Variants in PCNX2 observed in about 807,000 individuals in gnomAD.
The protein encoded by PCNX2 is pecanex 2, also known as pecanex-like protein 2.
Under a neutral mutation model 223.8 loss-of-function variants are expected in PCNX2, and 168 were observed. That is an observed-to-expected ratio of 0.75 (90% CI 0.66 to 0.85). The LOEUF is 0.85. Ranked by LOEUF, PCNX2 falls within the 40% of genes least tolerant of loss-of-function variation. The pLI, the probability that PCNX2 is intolerant of heterozygous loss-of-function variation, is 0.00. For missense variants in PCNX2, 2,507 were observed against 2,675.5 expected (o/e 0.94, Z 1.39); for synonymous variants, 1,006 against 1,052.6 (o/e 0.96, Z 0.86).
chr1:233,091,866 T>C (rs1673891999), intron 22 of PCNX2, among the ~76,000 whole-genome samples: 1 of 151,836 alleles, frequency 6.6e-6, no homozygotes, highest in South Asian at 2.1e-4. Context: ...CAATGTTGAA[T>C]TGTTTAGGTA....
At chr1:233,150,958 C>T (rs1677766284) in intron 19 of PCNX2, among the ~76,000 whole-genome samples, 1 of 152,122 alleles carries the variant, frequency 6.6e-6, no homozygotes, top group African/African-American at 2.4e-5. Flanking sequence ...GTTAGATCAA[C>T]ATTTTTACAT....
chr1:233,146,121 A>G (rs1294035654), intron 19 of PCNX2, among the ~76,000 whole-genome samples: 1 of 152,250 alleles, frequency 6.6e-6, no homozygotes, highest in African/African-American at 2.4e-5. Context: ...GCTTCAACGC[A>G]AAGAATGTTA....
chr1:233,144,953 G>T (rs138100457), intron 19 of PCNX2, among the ~76,000 whole-genome samples: 3,937 of 136,968 alleles, frequency 0.029, 176 homozygotes, highest in African/African-American at 0.097. Flanking sequence ...TTGTTGTTTT[G>T]TTTTTTTTTT....
Position 233,295,553 on chromosome 1 carries a change from G to C in PCNX2, c.-75C>G. The stretch of plus-strand genomic sequence containing the variant: ...CCGGCCGGATCTCCAGGCTCCCTCA[G>C]GTCTAACACCCGGGCCCGCGGGCCG... On this transcript the variant is annotated 5_prime_UTR_variant, in exon 1 of 34. Coordinates refer to ENST00000258229, the MANE Select transcript of PCNX2 (RefSeq NM_014801.4). The surrounding 1 kb of genome is among the most constrained non-coding windows in gnomAD (Gnocchi z 4.1). 1 of 1,313,106 alleles carries C rather than the reference G, an allele frequency of 7.6e-7. No homozygotes were observed. 81.3% of individuals were successfully genotyped at this position (1,313,106 alleles called of 1,614,324 possible).
chr1:233,238,343 T>C (rs910945956), intron 8 of PCNX2, among the ~76,000 whole-genome samples: 2 of 152,160 alleles, frequency 1.3e-5, no homozygotes, highest in African/African-American at 4.8e-5. Flanking sequence ...CCTAACTCCT[T>C]CCTATCATAT....
At chr1:233,168,170 G>A (rs1456652272) in intron 17 of PCNX2, among the ~76,000 whole-genome samples, 1 of 152,056 alleles carries the variant, frequency 6.6e-6, no homozygotes, top group Non-Finnish European at 1.5e-5. Flanking sequence ...TTAGGTCTTT[G>A]TAATTTTTAT....
chr1:233,158,840 C>A (rs1678287877), intron 19 of PCNX2, among the ~76,000 whole-genome samples: 1 of 152,128 alleles, frequency 6.6e-6, no homozygotes, highest in Non-Finnish European at 1.5e-5. Context: ...GGAAATATAA[C>A]CTGAAGGCTG....
At chr1:233,254,566 TAC>T (rs1454056987) in intron 5 of PCNX2, among the ~76,000 whole-genome samples, 1 of 152,174 alleles carries the variant, frequency 6.6e-6, no homozygotes, top group Admixed American at 6.5e-5. Flanking sequence ...ATAAAAATAG[TAC>T]ACAGTCATTG....
In PCNX2 at chr1:233,005,658, G is replaced by C. The variant is rs552224726; in HGVS notation, c.4953-3977C>G. Among the ~76,000 whole-genome samples, 3 of 152,298 alleles carry C rather than the reference G, an allele frequency of 2.0e-5. No individual in the cohort carries two copies. In the East Asian group the frequency reaches 5.8e-4, roughly 29 times the overall value. ...TAAAAGGAAGGTGTTTCATTACCTGGCTTTTTTCCCCCTGAGAGAATGAAG... is the reference window on the plus strand; with the variant it reads ...TAAAAGGAAGGTGTTTCATTACCTGCCTTTTTTCCCCCTGAGAGAATGAAG... On this transcript the variant is annotated intron_variant, in intron 28 of 33. Transcript: ENST00000258229.
chr1:233,044,180 G>T (rs1019681065), intron 25 of PCNX2, among the ~76,000 whole-genome samples: 35 of 152,126 alleles, frequency 2.3e-4, no homozygotes, highest in African/African-American at 8.2e-4. Context: ...ATTTTTTCAT[G>T]TGTTTTTTGG....
chr1:233,208,831 A>AAAAAAAAAAAAAAAAAAAAAC, intron 12 of PCNX2, 142 bp from the exon 13 acceptor site: 1 of 498,406 alleles, frequency 2.0e-6, no homozygotes, highest in South Asian at 1.0e-4. Context: ...ATATACAAAA[A>AAAAAAAAAAAAAAAAAAAAAC]AAAAAAAAAA....
chr1:233,141,690 T>C (rs552419919), intron 19 of PCNX2, among the ~76,000 whole-genome samples: 18 of 129,824 alleles, frequency 1.4e-4, no homozygotes, highest in Non-Finnish European at 2.3e-4. Flanking sequence ...AGAAAAAATA[T>C]ATATATATGT....
chr1:233,025,110 A>G (rs772114278), intron 26 of PCNX2, 36 bp downstream of exon 26: 4 of 1,608,720 alleles, frequency 2.5e-6, no homozygotes, highest in Non-Finnish European at 3.4e-6. Flanking sequence ...CCATCCTAGC[A>G]TTTCTGCCTT....
intron 21 of PCNX2, among the ~76,000 whole-genome samples, chr1:233,110,202 G>A (rs545726218): frequency 6.6e-6 from 1 of 152,158 alleles, no homozygotes; most frequent in East Asian, 1.9e-4. Flanking sequence ...AACAACTGCT[G>A]GAAACAAAAG....
chr1:233,177,715 C>A, intron 17 of PCNX2, 87 bp downstream of exon 17: 2 of 1,153,284 alleles, frequency 1.7e-6, no homozygotes, highest in Non-Finnish European at 2.5e-6. Context: ...CTTCTCATGT[C>A]CACCTGCCTA....
rs867544292 is a variant in PCNX2, at chr1:233,261,203, C to G, written c.517+82G>C. On this transcript the variant is annotated intron_variant, in intron 4 of 33. Transcript: ENST00000258229. Reference sequence around the variant, plus strand: ...GTATAGTTCTTATTTTCAATTAATCCACTGGCATTCTGTTTTATAAAAATA... The same window carrying G: ...GTATAGTTCTTATTTTCAATTAATCGACTGGCATTCTGTTTTATAAAAATA... 7 of 1,254,776 alleles carry G rather than the reference C, an allele frequency of 5.6e-6. No homozygotes were observed. In the Middle Eastern group the frequency reaches 1.1e-3, roughly 197 times the overall value. 77.7% of individuals were successfully genotyped at this position (1,254,776 alleles called of 1,614,324 possible).
intron 13 of PCNX2, 101 bp from the exon 14 acceptor site, chr1:233,200,365 A>T: frequency 1.9e-6 from 1 of 528,718 alleles, no homozygotes; most frequent in Non-Finnish European, 3.3e-6. Flanking sequence ...CACCCCACCC[A>T]GGAATACTGG....
intron 1 of PCNX2, among the ~76,000 whole-genome samples, chr1:233,264,361 G>A (rs58051714): frequency 3.3e-5 from 5 of 152,256 alleles, no homozygotes; most frequent in South Asian, 2.1e-4. Flanking sequence ...CCAGTGATCC[G>A]TGTAGCTGGT....
At chr1:233,079,444 G>A (rs1339445028) in intron 23 of PCNX2, among the ~76,000 whole-genome samples, 2 of 150,082 alleles carry the variant, frequency 1.3e-5, no homozygotes, top group African/African-American at 2.5e-5. Flanking sequence ...AGAATCACTT[G>A]AAGCTGGGAG....
Sources: gnomAD v4.1 joint callset for allele counts (sites outside exome capture counted in the v4.1 genomes callset) on GRCh38, gnomAD v4.1.1 for gene constraint, Gnocchi (gnomAD v3.1) non-coding constraint, MANE v1.5 for transcripts, NCBI Gene and HGNC (gene_info 2026-07-23, HGNC 2026-07-21) for gene names.